The following PYHIN1 variants were observed in gnomAD, a reference collection of about 807,000 sequenced individuals.
PYHIN1 encodes the protein pyrin and HIN domain-containing protein 1.
Under a neutral mutation model 43.7 loss-of-function variants are expected in PYHIN1, and 32 were observed. The ratio of observed to expected loss-of-function variants is 0.73; its 90% CI spans 0.55 to 0.98. The LOEUF (loss-of-function observed/expected upper bound fraction) is 0.98, where lower values mean the gene tolerates loss of function less well. Among genes scored for constraint, PYHIN1 ranks in the 50% least tolerant of loss-of-function variants. The probability of loss-of-function intolerance (pLI) is 0.00; values close to 1 mark genes in which losing one functional copy is unlikely to be tolerated. For synonymous variants in PYHIN1, 205 were observed against 203.1 expected (o/e 1.01, Z -0.08); for missense variants, 588 against 589.5 (o/e 1.00, Z 0.03).
At chr1:158,969,601 C>G (rs189365721) in intron 7 of PYHIN1, among the ~76,000 whole-genome samples, 4 of 152,024 alleles carry the variant, frequency 2.6e-5, no homozygotes, top group South Asian at 2.1e-4. Context: ...TCTAAAATTA[C>G]TATTTGTGGA....
downstream of PYHIN1, among the ~76,000 whole-genome samples, chr1:158,981,878 C>T (rs1651495752): frequency 6.6e-6 from 1 of 152,128 alleles, no homozygotes; most frequent in Non-Finnish European, 1.5e-5. Context: ...TTTTGATTTG[C>T]ATTTCTCTAA....
chr1:158,946,065 A>G (rs983487874), intron 7 of PYHIN1, among the ~76,000 whole-genome samples: 9 of 152,246 alleles, frequency 5.9e-5, no homozygotes, highest in Non-Finnish European at 1.2e-4. Flanking sequence ...GAGATATACT[A>G]ATGTCAGCAA....
chr1:158,989,181 C>G, the PYHIN1 span, among the ~76,000 whole-genome samples: 1 of 152,102 alleles, frequency 6.6e-6, no homozygotes, highest in South Asian at 2.1e-4. Context: ...ATGGAGAGGA[C>G]TTTTGCCATG....
At chr1:158,972,965 G>T (rs1050321069) in intron 7 of PYHIN1, among the ~76,000 whole-genome samples, 15 of 152,248 alleles carry the variant, frequency 9.9e-5, no homozygotes, top group African/African-American at 3.4e-4. Flanking sequence ...ATATCTGTGT[G>T]TATGAAATCC....
intron 7 of PYHIN1, among the ~76,000 whole-genome samples, chr1:158,953,913 G>A (rs1649753781): frequency 7.1e-6 from 1 of 140,940 alleles, no homozygotes; most frequent in Non-Finnish European, 1.5e-5. Context: ...TAAAGGAGCT[G>A]ATGGAGCTGA....
chr1:158,947,635 G>A (rs183058992), intron 7 of PYHIN1, among the ~76,000 whole-genome samples: 249 of 152,030 alleles, frequency 1.6e-3, no homozygotes, highest in African/African-American at 5.8e-3. Flanking sequence ...CTGTCAGTTC[G>A]GCTAAGGGTC....
At chr1:158,989,996 A>T in the PYHIN1 span, among the ~76,000 whole-genome samples, 6,252 of 152,252 alleles carry the variant, frequency 0.041, 347 homozygotes, top group East Asian at 0.26. Flanking sequence ...TATTAAGAAC[A>T]CAATAGAATG....
chr1:158,953,805 G>A (rs1649743310), intron 7 of PYHIN1, among the ~76,000 whole-genome samples: 2 of 152,090 alleles, frequency 1.3e-5, no homozygotes, highest in Non-Finnish European at 2.9e-5. Flanking sequence ...ATTACTCTGA[G>A]CTATGGGAGG....
intron 1 of PYHIN1, among the ~76,000 whole-genome samples, chr1:158,932,354 C>G (rs867632307): frequency 1.3e-5 from 2 of 152,160 alleles, no homozygotes; most frequent in African/African-American, 4.8e-5. Flanking sequence ...CTATCTGGTA[C>G]TATGTCGCTA....
At chr1:158,986,313 G>C in the PYHIN1 span, among the ~76,000 whole-genome samples, 1 of 152,156 alleles carries the variant, frequency 6.6e-6, no homozygotes, top group Non-Finnish European at 1.5e-5. Context: ...TGAGTGTCTA[G>C]CTGTGCTATA....
intron 5 of PYHIN1, 122 bp from the exon 6 acceptor site, chr1:158,943,668 A>G: frequency 1.7e-6 from 1 of 589,552 alleles, no homozygotes; most frequent in Non-Finnish European, 3.0e-6. Context: ...TATGTATTGT[A>G]TGTCGATACA....
chr1:158,978,320 G>A (rs1326415746), downstream of PYHIN1, among the ~76,000 whole-genome samples: 1 of 151,732 alleles, frequency 6.6e-6, no homozygotes, highest in Admixed American at 6.6e-5. Context: ...GTTCACTTGG[G>A]AAAATCAAAT....
intron 1 of PYHIN1, among the ~76,000 whole-genome samples, chr1:158,934,229 T>A (rs749423752): frequency 5.9e-5 from 9 of 152,288 alleles, no homozygotes; most frequent in Admixed American, 1.3e-4. Context: ...TATTTCAGCA[T>A]CAAAACATAT....
chr1:158,990,541 CTT>C, the PYHIN1 span, among the ~76,000 whole-genome samples: 1 of 152,090 alleles, frequency 6.6e-6, no homozygotes, highest in Non-Finnish European at 1.5e-5. Flanking sequence ...CATCCACTCT[CTT>C]TATATTTTTC....
At chr1:158,958,603 T>G (rs1571762115) in intron 7 of PYHIN1, among the ~76,000 whole-genome samples, 1 of 82,792 alleles carries the variant, frequency 1.2e-5, no homozygotes, top group Non-Finnish European at 2.2e-5. Flanking sequence ...CTGGGGACTG[T>G]GGTGGGGTGG....
intron 7 of PYHIN1, among the ~76,000 whole-genome samples, chr1:158,966,457 CA>C (rs958860217): frequency 2.6e-5 from 4 of 152,078 alleles, no homozygotes; most frequent in African/African-American, 9.6e-5. Context: ...GATGAACATA[CA>C]TGCAAAAATC....
intron 5 of PYHIN1, among the ~76,000 whole-genome samples, chr1:158,943,484 G>A (rs1003515783): frequency 7.9e-5 from 12 of 152,168 alleles, no homozygotes; most frequent in African/African-American, 2.9e-4. Flanking sequence ...AAGGACTTCA[G>A]TTTCCTTTGT....
intron 7 of PYHIN1, among the ~76,000 whole-genome samples, chr1:158,963,392 A>G (rs991598046): frequency 6.6e-6 from 1 of 152,184 alleles, no homozygotes; most frequent in African/African-American, 2.4e-5. Flanking sequence ...TGGACCACCA[A>G]GAGTCAAGTG....
At chr1:158,947,594 T>C (rs186082249) in intron 7 of PYHIN1, among the ~76,000 whole-genome samples, 1 of 152,330 alleles carries the variant, frequency 6.6e-6, no homozygotes, top group East Asian at 1.9e-4. Flanking sequence ...CAACAACAGA[T>C]GAATAACATA....
Sources: gnomAD v4.1 joint callset for allele counts (sites outside exome capture counted in the v4.1 genomes callset) on GRCh38, gnomAD v4.1.1 for gene constraint, MANE v1.5 for transcripts, NCBI Gene and HGNC (gene_info 2026-07-23, HGNC 2026-07-21) for gene names.